Variants in GSE1 observed in about 807,000 individuals in gnomAD.
GSE1 encodes Gse1 coiled-coil protein.
GSE1 carries 32 observed loss-of-function variants against 112.6 expected under a neutral mutation model. That is an observed-to-expected ratio of 0.28 (90% CI 0.21 to 0.38). The LOEUF (loss-of-function observed/expected upper bound fraction) is 0.38. GSE1 is among the 10% of genes least tolerant of loss of function. The pLI, the probability that GSE1 is intolerant of heterozygous loss-of-function variation, is 1.00. For synonymous variants in GSE1, 1,115 were observed against 735.6 expected, an observed-to-expected ratio of 1.52 and a Z score of -8.35; for missense variants, 2,348 against 1,699.2, an observed-to-expected ratio of 1.38 and a Z score of -6.71.
chr16:85,654,675 G>T (rs910944749), intron 4 of GSE1, 119 bp from the exon 5 acceptor site: 3 of 755,790 alleles, frequency 4.0e-6, no homozygotes, highest in African/African-American at 3.4e-5. Flanking sequence ...CGTTCGGGGT[G>T]CCAGGAGTCT....
chr16:85,520,516 G>A (rs1287404508), intron 2 of GSE1, among the ~76,000 whole-genome samples: 1 of 151,526 alleles, frequency 6.6e-6, no homozygotes, highest in Non-Finnish European at 1.5e-5. Flanking sequence ...CAGCCTCCCG[G>A]GCCCAAGTGA....
intron 15 of GSE1, among the ~76,000 whole-genome samples, chr16:85,671,531 A>G (rs948769287): frequency 6.6e-6 from 1 of 151,892 alleles, no homozygotes; most frequent in Non-Finnish European, 1.5e-5. Context: ...GCAGGATCAC[A>G]TGAGCCCAGG....
chr16:85,249,667 C>T (rs924593691), intron 1 of GSE1, among the ~76,000 whole-genome samples: 1 of 152,198 alleles, frequency 6.6e-6, no homozygotes, highest in South Asian at 2.1e-4. Flanking sequence ...TGGGGCAGGC[C>T]TGGTCCTGGG....
intron 2 of GSE1, among the ~76,000 whole-genome samples, chr16:85,426,941 C>G (rs1392047349): frequency 6.6e-6 from 1 of 152,094 alleles, no homozygotes; most frequent in Non-Finnish European, 1.5e-5. Context: ...TCCCATAGAC[C>G]TTGGTTTGAA....
intron 1 of GSE1, among the ~76,000 whole-genome samples, chr16:85,245,477 G>C (rs989932137): frequency 6.6e-6 from 1 of 152,132 alleles, no homozygotes; most frequent in African/African-American, 2.4e-5. Flanking sequence ...TATTATTGTT[G>C]CTGTCGTCAT....
chr16:85,522,878 T>C (rs1337728409), intron 2 of GSE1, among the ~76,000 whole-genome samples: 1 of 152,108 alleles, frequency 6.6e-6, no homozygotes, highest in Admixed American at 6.5e-5. Flanking sequence ...CTTTGTTGTG[T>C]GCATGGCTGT....
At position 85,238,501 on chromosome 16, in the gene GSE1, GCCTCGGCGTGTGT is replaced by G. The variant is rs1264330013; in HGVS notation, c.2283+66698_2283+66710del. Among the ~76,000 whole-genome samples the G allele has an allele frequency of 9.2e-5, 14 of 152,258 alleles. No homozygotes were observed. In the East Asian group the frequency reaches 2.7e-3, roughly 30 times the overall value. ...CCGAGCCTGCGTGAGGGCCGCCCTGGCCTCGGCGTGTGTCCTGGGAAGGGGCGTTGGAAGCCTC... is the reference window on the plus strand; with the variant it reads ...CCGAGCCTGCGTGAGGGCCGCCCTGGCCTGGGAAGGGGCGTTGGAAGCCTC... On this transcript the variant is annotated intron_variant, in intron 1 of 2. Transcript: ENST00000637419.
intron 2 of GSE1, among the ~76,000 whole-genome samples, chr16:85,636,118 C>T (rs920387834): frequency 6.6e-6 from 1 of 152,248 alleles, no homozygotes; most frequent in Non-Finnish European, 1.5e-5. Context: ...CGTGGCCCTG[C>T]TCCCTCCCAG....
chr16:85,256,182 T>C (rs1907056981), intron 1 of GSE1, among the ~76,000 whole-genome samples: 1 of 151,528 alleles, frequency 6.6e-6, no homozygotes, highest in African/African-American at 2.4e-5. Context: ...GGCTCTTCCC[T>C]CGGCAGGCAG....
At chr16:85,171,361 G>C (rs749219820) in exon 1 of GSE1, 1 of 985,602 alleles carries the variant, frequency 1.0e-6, no homozygotes, top group Non-Finnish European at 1.2e-6. Context: ...CGTGAACCCC[G>C]CCAGCCGCTT....
Position 85,501,010 on chromosome 16 carries a change from T to G in GSE1, c.2465-132904T>G, listed in dbSNP as rs11862779. ...TATGGCCTGTTCTGTTTTTTTTTTTTTTTTTTTTTTTTTGAGACGGAGTCT... is the reference window on the plus strand; with the variant it reads ...TATGGCCTGTTCTGTTTTTTTTTTTGTTTTTTTTTTTTTGAGACGGAGTCT... On this transcript the variant is annotated intron_variant, in intron 2 of 2. Transcript: ENST00000637419. 2.3e-3 allele frequency among the ~76,000 whole-genome samples: 312 copies of G among 137,778 alleles called. 3 individuals carry two copies. Among genetic ancestry groups the G allele is most frequent in the African/African-American group, 8.3e-3 (295 of 35,706 alleles). The allele number at this position is 137,778 out of a possible 152,430, so 90.4% of individuals were successfully genotyped here. A position where few individuals can be genotyped will look rare whatever the true frequency, so the allele number is the denominator to read the frequency against.
At chr16:85,668,562 G>A (rs1312737150) in intron 14 of GSE1, 138 bp downstream of exon 14, 3 of 642,790 alleles carry the variant, frequency 4.7e-6, no homozygotes, top group African/African-American at 3.6e-5. Flanking sequence ...TATGAATACT[G>A]GAAGTTTCTT....
intron 1 of GSE1, among the ~76,000 whole-genome samples, chr16:85,584,878 G>A (rs1397816455): frequency 1.3e-5 from 2 of 151,766 alleles, no homozygotes; most frequent in African/African-American, 2.4e-5. Flanking sequence ...CAAGACCCTC[G>A]CCCCCTGCAC....
chr16:85,212,741 G>A (rs553699822), intron 1 of GSE1, among the ~76,000 whole-genome samples: 114 of 152,308 alleles, frequency 7.5e-4, no homozygotes, highest in African/African-American at 2.7e-3. Context: ...AGGGGTGTCC[G>A]CCCACTCGCA....
intron 1 of GSE1, among the ~76,000 whole-genome samples, chr16:85,260,652 C>G (rs1689690369): frequency 6.6e-6 from 1 of 152,360 alleles, no homozygotes; most frequent in Middle Eastern, 3.4e-3. Context: ...AGCGACTACT[C>G]TGGTAGGAGC....
At chr16:85,581,675 C>T (rs1598269748) in intron 1 of GSE1, among the ~76,000 whole-genome samples, 3 of 152,266 alleles carry the variant, frequency 2.0e-5, no homozygotes, top group East Asian at 1.9e-4. Flanking sequence ...GCAATCCGGC[C>T]GTCCTAAATG....
intron 2 of GSE1, among the ~76,000 whole-genome samples, chr16:85,524,194 T>G (rs777196354): frequency 2.2e-4 from 33 of 152,132 alleles, no homozygotes; most frequent in Non-Finnish European, 4.7e-4. Context: ...TCTCTCTGGC[T>G]GGCAGTCAGG....
At chr16:85,590,937 G>C (rs906367275) in intron 1 of GSE1, among the ~76,000 whole-genome samples, 3 of 152,186 alleles carry the variant, frequency 2.0e-5, no homozygotes, top group African/African-American at 4.8e-5. Flanking sequence ...ACATGCGGTG[G>C]GGGGGACCAG....
At chr16:85,362,838 T>TC (rs1280817366) in intron 2 of GSE1, among the ~76,000 whole-genome samples, 2 of 146,380 alleles carry the variant, frequency 1.4e-5, no homozygotes, top group Admixed American at 1.4e-4. Flanking sequence ...TATCTTTTTT[T>TC]TTTTTTTTTT....
Sources: allele counts gnomAD v4.1 joint callset (sites outside exome capture counted in the v4.1 genomes callset), GRCh38; gene constraint gnomAD v4.1.1; transcripts MANE v1.5; gene names NCBI Gene and HGNC (gene_info 2026-07-23, HGNC 2026-07-21).